The following PCSK5 variants were observed in gnomAD, a reference collection of about 807,000 sequenced individuals.
PCSK5 encodes the protein proprotein convertase subtilisin/kexin type 5, also known as prohormone convertase 5.
In PCSK5, 129 loss-of-function variants were observed where a neutral mutation model predicts 233.2. The ratio of observed to expected loss-of-function variants is 0.55; its 90% CI spans 0.48 to 0.64. PCSK5 has a LOEUF of 0.64. PCSK5 is among the 30% of genes least tolerant of loss of function. The probability of loss-of-function intolerance (pLI) is 0.00; values close to 1 mark genes in which losing one functional copy is unlikely to be tolerated. For synonymous variants in PCSK5, 825 were observed against 879.2 expected (o/e 0.94, Z 1.09); for missense variants, 2,076 against 2,430.1 (o/e 0.85, Z 3.06).
At chr9:75,897,177 A>T (rs549770555) in intron 1 of PCSK5, among the ~76,000 whole-genome samples, 1 of 152,340 alleles carries the variant, frequency 6.6e-6, no homozygotes, top group South Asian at 2.1e-4. Flanking sequence ...AGGGAGCATT[A>T]TATGATCTTT....
rs528382280 is a variant in PCSK5 at position 76,293,476 on chromosome 9, G to A, written c.3185+1201G>A. On this transcript the variant is annotated intron_variant, in intron 25 of 37. Transcript: ENST00000674117. ...TTTTTGTTTGTTTGTTTTTAAGACAGTCTCACTCTGTGGCCCAGGCTGGAG... is the reference window on the plus strand; with the variant it reads ...TTTTTGTTTGTTTGTTTTTAAGACAATCTCACTCTGTGGCCCAGGCTGGAG... Among the ~76,000 whole-genome samples the A allele has an allele frequency of 5.3e-5, 8 of 152,266 alleles. No homozygotes were observed. In the South Asian group the frequency reaches 1.7e-3, roughly 32 times the overall value.
chr9:76,070,667 T>G (rs1268244714), intron 6 of PCSK5, among the ~76,000 whole-genome samples: 1 of 152,230 alleles, frequency 6.6e-6, no homozygotes, highest in African/African-American at 2.4e-5. Flanking sequence ...TATTTTTCTT[T>G]GTTTGAAAGT....
At chr9:75,992,882 G>C (rs1044033864) in intron 3 of PCSK5, among the ~76,000 whole-genome samples, 1 of 152,188 alleles carries the variant, frequency 6.6e-6, no homozygotes, top group Non-Finnish European at 1.5e-5. Flanking sequence ...GATCAGCAGA[G>C]TGAAAATTAG....
chr9:76,204,380 C>T (rs145089847), intron 20 of PCSK5, among the ~76,000 whole-genome samples: 17 of 152,224 alleles, frequency 1.1e-4, no homozygotes, highest in African/African-American at 2.4e-4. Flanking sequence ...ACATGTCCTG[C>T]GAAGTCTGAT....
rs1157126265 is a variant in PCSK5, at chr9:76,159,007, G to A, written c.1455G>A (p.Val485=). 4 of 1,614,096 alleles carry A rather than the reference G, an allele frequency of 2.5e-6. No homozygotes were observed. Among genetic ancestry groups the A allele is most frequent in the Non-Finnish European group, 3.4e-6 (4 of 1,179,986 alleles). ...GGACAATCCGCCCTAACAGTGCAGTGCGCTCCATCTACAAAGCTTCAGGCT... is the reference window on the plus strand; with the variant it reads ...GGACAATCCGCCCTAACAGTGCAGTACGCTCCATCTACAAAGCTTCAGGCT... The part of the protein sequence containing the change: ...QIKTIRPNSA[V]RSIYKASGCS... Residue 485 remains valine (V), a synonymous_variant, in exon 12 of 38, where the codon GTG becomes GTA. Coordinates refer to ENST00000674117, the MANE Select transcript of PCSK5 (RefSeq NM_001372043.1).
chr9:76,281,211 C>G (rs899119980), intron 24 of PCSK5, among the ~76,000 whole-genome samples: 1 of 152,220 alleles, frequency 6.6e-6, no homozygotes, highest in African/African-American at 2.4e-5. Context: ...GAACAGCCTT[C>G]CATTGGGAAA....
intron 24 of PCSK5, among the ~76,000 whole-genome samples, chr9:76,278,848 T>C (rs543423959): frequency 1.3e-5 from 2 of 152,312 alleles, no homozygotes; most frequent in South Asian, 4.1e-4. Context: ...TATTAGCCCA[T>C]CTTATATAAG....
At chr9:76,182,825 A>G (rs1331383) in intron 16 of PCSK5, among the ~76,000 whole-genome samples, 124,334 of 152,114 alleles carry the variant, frequency 0.82, 50,994 homozygotes, top group Middle Eastern at 0.9. Flanking sequence ...ACCTAAGGAG[A>G]CAAAGAGAAA....
chr9:76,354,558 T>C (rs2131529796), intron 37 of PCSK5, among the ~76,000 whole-genome samples: 1 of 152,172 alleles, frequency 6.6e-6, no homozygotes, highest in East Asian at 1.9e-4. Flanking sequence ...GGCAGACAGA[T>C]GGCTTGAGTC....
At chr9:76,188,554 A>AAGCTCCCTTT (rs1824213029) in intron 17 of PCSK5, 24 bp from the exon 18 acceptor site, 15 of 1,530,908 alleles carry the variant, frequency 9.8e-6, no homozygotes, top group Non-Finnish European at 1.3e-5. Flanking sequence ...AGTCTGTTTG[A>AAGCTCCCTTT]AGCTCCCTTT....
chr9:76,351,564 G>GAA (rs1326851431), intron 36 of PCSK5, among the ~76,000 whole-genome samples: 1 of 141,564 alleles, frequency 7.1e-6, no homozygotes, highest in South Asian at 2.5e-4. Flanking sequence ...GAGAGAGAGA[G>GAA]AAGGAAGGGA....
chr9:75,920,948 T>A (rs1823231220), intron 1 of PCSK5, among the ~76,000 whole-genome samples: 2 of 151,990 alleles, frequency 1.3e-5, no homozygotes, highest in African/African-American at 2.4e-5. Context: ...TTTTCTAAAA[T>A]TTTTTTTGAG....
intron 2 of PCSK5, among the ~76,000 whole-genome samples, chr9:75,953,648 G>C (rs12554195): frequency 0.089 from 13,266 of 149,538 alleles, 620 homozygotes; most frequent in Middle Eastern, 0.13. Flanking sequence ...GTGTGTGTCT[G>C]TGTGTGTGTG....
chr9:76,353,020 CA>C (rs11450483), intron 36 of PCSK5, among the ~76,000 whole-genome samples: 15 of 147,858 alleles, frequency 1.0e-4, no homozygotes, highest in African/African-American at 2.7e-4. Flanking sequence ...AAGCCCGTCT[CA>C]AAAAAAAAAA....
chr9:76,131,300 A>G (rs941146767), intron 9 of PCSK5, among the ~76,000 whole-genome samples: 1 of 152,122 alleles, frequency 6.6e-6, no homozygotes, highest in Non-Finnish European at 1.5e-5. Context: ...AAATTAACCT[A>G]TGGCTATTTC....
At chr9:76,064,543 T>G (rs1183309699) in intron 5 of PCSK5, among the ~76,000 whole-genome samples, 1 of 148,544 alleles carries the variant, frequency 6.7e-6, no homozygotes, top group African/African-American at 2.5e-5. Context: ...ACGGGGTGGC[T>G]GCCGGGCGGA....
At chr9:76,050,372 C>T (rs1829579524) in intron 5 of PCSK5, among the ~76,000 whole-genome samples, 2 of 151,940 alleles carry the variant, frequency 1.3e-5, no homozygotes, top group Non-Finnish European at 2.9e-5. Flanking sequence ...AAGAAATAGA[C>T]CACAAAAATC....
chr9:76,031,838 G>C (rs1218965099), intron 5 of PCSK5, among the ~76,000 whole-genome samples: 1 of 152,074 alleles, frequency 6.6e-6, no homozygotes, highest in Non-Finnish European at 1.5e-5. Flanking sequence ...TAAATAACTA[G>C]TTAAAAATTA....
intron 9 of PCSK5, among the ~76,000 whole-genome samples, chr9:76,123,217 A>C (rs949533420): frequency 6.6e-6 from 1 of 152,092 alleles, no homozygotes; most frequent in Non-Finnish European, 1.5e-5. Context: ...TCTTTATTTT[A>C]GATAGCACTT....
Sources: gnomAD v4.1 joint callset for allele counts (sites outside exome capture counted in the v4.1 genomes callset) on GRCh38, gnomAD v4.1.1 for gene constraint, MANE v1.5 for transcripts, NCBI Gene and HGNC (gene_info 2026-07-23, HGNC 2026-07-21) for gene names.